Variants in SORCS2 observed in about 807,000 individuals in gnomAD.
SORCS2 encodes the protein sortilin related VPS10 domain containing receptor 2.
SORCS2 carries 100 observed loss-of-function variants against 141.6 expected under a neutral mutation model. The ratio of observed to expected loss-of-function variants is 0.71; its 90% CI spans 0.60 to 0.83. The LOEUF (loss-of-function observed/expected upper bound fraction) is 0.83, where lower values mean the gene tolerates loss of function less well. Among genes scored for constraint, SORCS2 ranks in the 40% least tolerant of loss-of-function variants. The probability of loss-of-function intolerance (pLI) is 0.00; values close to 1 mark genes in which losing one functional copy is unlikely to be tolerated. For missense variants in SORCS2, 1,646 were observed against 1,560.2 expected (o/e 1.05, Z -0.93); for synonymous variants, 789 against 676.9 (o/e 1.17, Z -2.57).
chr4:7,426,302 A>AG (rs1173976785), intron 2 of SORCS2, among the ~76,000 whole-genome samples: 2 of 36,570 alleles, frequency 5.5e-5, no homozygotes, highest in Non-Finnish European at 1.2e-4. Flanking sequence ...GCTTTGAGCC[A>AG]GGGGAGGCCC....
chr4:7,616,215 G>C (rs1377019068), intron 3 of SORCS2, among the ~76,000 whole-genome samples: 1 of 152,066 alleles, frequency 6.6e-6, no homozygotes, highest in Non-Finnish European at 1.5e-5. Context: ...TCATCTGGAG[G>C]CTTCTTTGAT....
chr4:7,630,390 C>T (rs1426736076), intron 3 of SORCS2, among the ~76,000 whole-genome samples: 1 of 152,110 alleles, frequency 6.6e-6, no homozygotes, highest in Non-Finnish European at 1.5e-5. Flanking sequence ...GAATGAAGAC[C>T]CCTCATATTT....
intron 4 of SORCS2, among the ~76,000 whole-genome samples, chr4:7,653,551 A>G (rs979590601): frequency 2.0e-4 from 30 of 152,146 alleles, no homozygotes; most frequent in African/African-American, 6.5e-4. Context: ...CCCTAAAGAC[A>G]CAATTATTAA....
chr4:7,477,009 C>T (rs1204021390), intron 2 of SORCS2, among the ~76,000 whole-genome samples: 2 of 152,218 alleles, frequency 1.3e-5, no homozygotes, highest in Non-Finnish European at 2.9e-5. Flanking sequence ...ATGTCACCCC[C>T]AGGGCCCCAG....
At chr4:7,632,593 G>A (rs547895529) in intron 3 of SORCS2, among the ~76,000 whole-genome samples, 10 of 152,120 alleles carry the variant, frequency 6.6e-5, no homozygotes, top group East Asian at 5.8e-4. Context: ...TTCTCCTCTC[G>A]CCTCCGTGTC....
intron 4 of SORCS2, among the ~76,000 whole-genome samples, chr4:7,649,181 G>A (rs546491044): frequency 1.2e-4 from 19 of 152,280 alleles, no homozygotes; most frequent in South Asian, 2.1e-4. Context: ...CTTGAACACC[G>A]GCTGGGGATG....
chr4:7,726,720 C>A (rs900967807), intron 20 of SORCS2, 60 bp from the exon 21 acceptor site: 2 of 1,581,164 alleles, frequency 1.3e-6, no homozygotes, highest in South Asian at 2.3e-5. Context: ...CATAGGCCAG[C>A]GTCCCCCACG....
At chr4:7,655,816 G>T (rs1018282780) in intron 5 of SORCS2, among the ~76,000 whole-genome samples, 1 of 152,214 alleles carries the variant, frequency 6.6e-6, no homozygotes, top group Non-Finnish European at 1.5e-5. Context: ...TGGGGGATTG[G>T]TAGAGCTCTG....
chr4:7,344,078 A>T (rs897553606), intron 1 of SORCS2, among the ~76,000 whole-genome samples: 18 of 152,194 alleles, frequency 1.2e-4, no homozygotes, highest in African/African-American at 4.1e-4. Flanking sequence ...CACGGGAGGT[A>T]TGGGGTGGGT....
intron 1 of SORCS2, among the ~76,000 whole-genome samples, chr4:7,212,914 C>G (rs1215923892): frequency 2.0e-5 from 3 of 152,154 alleles, no homozygotes; most frequent in Non-Finnish European, 4.4e-5. Flanking sequence ...CTCTTCTGGT[C>G]TCGTCATTGG....
intron 1 of SORCS2, among the ~76,000 whole-genome samples, chr4:7,227,260 C>G (rs535148311): frequency 1.3e-5 from 2 of 152,336 alleles, no homozygotes; most frequent in East Asian, 3.9e-4. Context: ...TCCACACCCC[C>G]ACTTGCAGCC....
chr4:7,584,678 G>A (rs1331884224), intron 3 of SORCS2, among the ~76,000 whole-genome samples: 1 of 152,154 alleles, frequency 6.6e-6, no homozygotes, highest in African/African-American at 2.4e-5. Context: ...CCTTCCTAAC[G>A]CAGAGCCTAA....
intron 2 of SORCS2, among the ~76,000 whole-genome samples, chr4:7,526,730 G>C (rs938699763): frequency 1.3e-5 from 2 of 152,180 alleles, no homozygotes; most frequent in African/African-American, 2.4e-5. Flanking sequence ...TCTCTCAGCT[G>C]GGGGCGCTGA....
intron 7 of SORCS2, among the ~76,000 whole-genome samples, chr4:7,666,591 G>T (rs1035997836): frequency 1.3e-5 from 2 of 152,144 alleles, no homozygotes; most frequent in South Asian, 2.1e-4. Context: ...CTCCTGTTCT[G>T]TGGCAGTGAG....
intron 3 of SORCS2, among the ~76,000 whole-genome samples, chr4:7,584,529 C>T (rs2108764177): frequency 6.6e-6 from 1 of 152,354 alleles, no homozygotes; most frequent in Non-Finnish European, 1.5e-5. Context: ...ATGCAAGGAA[C>T]TTACCCAAGG....
At chr4:7,248,287 C>T (rs1288053445) in intron 1 of SORCS2, among the ~76,000 whole-genome samples, 8 of 152,028 alleles carry the variant, frequency 5.3e-5, no homozygotes, top group Non-Finnish European at 7.4e-5. Context: ...GCTCTACACA[C>T]GCTAAGGTTC....
intron 1 of SORCS2, among the ~76,000 whole-genome samples, chr4:7,391,390 GTAGCCC>G (rs1182831673): frequency 6.6e-6 from 1 of 152,182 alleles, no homozygotes; most frequent in Non-Finnish European, 1.5e-5. Context: ...GCTTTGAGAC[GTAGCCC>G]AGGCCCCTCA....
Position 7,328,956 on chromosome 4 carries a change from G to A in SORCS2, c.481-67332G>A, listed in dbSNP as rs548943770. ...GAGTCCCAAGCACCCTCCGCAGACC[G>A]CTCTTGGCTGACAACGGCTGGTCAG... On this transcript the variant is annotated intron_variant, in intron 1 of 26. Coordinates refer to ENST00000507866, the MANE Select transcript of SORCS2 (RefSeq NM_020777.3). 5.5e-4 allele frequency among the ~76,000 whole-genome samples: 84 copies of A among 152,330 alleles called. 1 individual carries two copies. The highest frequency in any genetic ancestry group is 2.9e-3 in the Admixed American group (44 of 15,308).
At chr4:7,535,389 C>T (rs1577711480) in intron 3 of SORCS2, among the ~76,000 whole-genome samples, 1 of 152,284 alleles carries the variant, frequency 6.6e-6, no homozygotes, top group East Asian at 1.9e-4. Context: ...GGATGAGAGG[C>T]TGACCCCCTG....
Sources: gnomAD v4.1 joint callset for allele counts (sites outside exome capture counted in the v4.1 genomes callset) on GRCh38, gnomAD v4.1.1 for gene constraint, MANE v1.5 for transcripts, NCBI Gene and HGNC (gene_info 2026-07-23, HGNC 2026-07-21) for gene names.